Variants in ZRANB3 observed in about 807,000 individuals in gnomAD.
The protein encoded by ZRANB3 is zinc finger RANBP2-type containing 3, also known as DNA annealing helicase and endonuclease ZRANB3.
A neutral mutation model predicts 133.8 loss-of-function variants in ZRANB3; 125 were observed. That is an observed-to-expected ratio of 0.93 (90% CI 0.81 to 1.08). ZRANB3 has a LOEUF of 1.08. ZRANB3 is among the 50% of genes least tolerant of loss of function. ZRANB3 has a pLI of 0.00. For synonymous variants in ZRANB3, 387 were observed against 432.7 expected (o/e 0.89, Z 1.31); for missense variants, 1,229 against 1,275.5 (o/e 0.96, Z 0.56).
intron 2 of ZRANB3, among the ~76,000 whole-genome samples, chr2:135,444,537 A>C (rs1689931225): frequency 6.6e-6 from 1 of 152,184 alleles, no homozygotes; most frequent in Non-Finnish European, 1.5e-5. Context: ...GACTGGAAAA[A>C]AATAGGAACC....
chr2:135,522,955 T>C (rs1694009829), intron 1 of ZRANB3, among the ~76,000 whole-genome samples: 1 of 152,174 alleles, frequency 6.6e-6, no homozygotes. Context: ...GGAATAACCT[T>C]TTAGAAGGCT....
At chr2:135,200,477 A>G in intron 20 of ZRANB3, 37 bp from the exon 21 acceptor site, 1 of 1,494,804 alleles carries the variant, frequency 6.7e-7, no homozygotes, top group Non-Finnish European at 9.1e-7. Context: ...ACACGTTAGG[A>G]AAAAAGCACC....
intron 12 of ZRANB3, among the ~76,000 whole-genome samples, chr2:135,263,197 A>G (rs1164505588): frequency 6.6e-6 from 1 of 152,202 alleles, no homozygotes; most frequent in Non-Finnish European, 1.5e-5. Flanking sequence ...GTACTCATAA[A>G]TATAGAATAT....
intron 1 of ZRANB3, among the ~76,000 whole-genome samples, chr2:135,529,867 T>C (rs1333867665): frequency 1.3e-5 from 2 of 151,944 alleles, no homozygotes; most frequent in Non-Finnish European, 1.5e-5. Context: ...GGGGCCACTC[T>C]TGATTATCAA....
intron 12 of ZRANB3, among the ~76,000 whole-genome samples, chr2:135,235,244 T>C (rs1695234172): frequency 6.6e-6 from 1 of 152,040 alleles, no homozygotes; most frequent in Admixed American, 6.6e-5. Context: ...CAGGAAGAAG[T>C]TGAATCTCTG....
chr2:135,215,530 G>C (rs951193281), intron 17 of ZRANB3, among the ~76,000 whole-genome samples: 13 of 152,214 alleles, frequency 8.5e-5, no homozygotes, highest in African/African-American at 3.1e-4. Context: ...TGGAATTACA[G>C]GCGTGAGCCA....
intron 9 of ZRANB3, among the ~76,000 whole-genome samples, chr2:135,274,323 A>G (rs1038148774): frequency 6.6e-6 from 1 of 152,176 alleles, no homozygotes; most frequent in Non-Finnish European, 1.5e-5. Context: ...TACTTGGGCC[A>G]TATGTTTCAA....
intron 12 of ZRANB3, among the ~76,000 whole-genome samples, chr2:135,239,858 C>A (rs995518649): frequency 3.3e-5 from 5 of 151,948 alleles, no homozygotes; most frequent in African/African-American, 1.2e-4. Context: ...GTGGCATGCA[C>A]CTGTAGTCCC....
chr2:135,452,249 C>A (rs1690307819), intron 2 of ZRANB3, among the ~76,000 whole-genome samples: 1 of 152,026 alleles, frequency 6.6e-6, no homozygotes, highest in Admixed American at 6.6e-5. Flanking sequence ...GAAAAGAGGC[C>A]CCCATGATTC....
chr2:135,484,646 A>G (rs1408322661), intron 2 of ZRANB3, among the ~76,000 whole-genome samples: 8 of 139,016 alleles, frequency 5.8e-5, no homozygotes, highest in Non-Finnish European at 1.0e-4. Flanking sequence ...CAAAACAAAA[A>G]GATAGGTTAC....
chr2:135,490,861 T>C (rs1434277896), intron 2 of ZRANB3, among the ~76,000 whole-genome samples: 2 of 152,082 alleles, frequency 1.3e-5, no homozygotes, highest in Non-Finnish European at 2.9e-5. Context: ...CTGGAGGTCA[T>C]GATGTTAAGT....
At chr2:135,513,034 C>A (rs556345525) in intron 1 of ZRANB3, among the ~76,000 whole-genome samples, 1 of 152,238 alleles carries the variant, frequency 6.6e-6, no homozygotes, top group South Asian at 2.1e-4. Context: ...TAAACAATCT[C>A]ACAAGCACAT....
intron 2 of ZRANB3, among the ~76,000 whole-genome samples, chr2:135,459,217 C>T (rs1004762958): frequency 2.0e-5 from 3 of 152,262 alleles, no homozygotes; most frequent in East Asian, 1.9e-4. Flanking sequence ...CATAATCATT[C>T]GACTTTGTCA....
intron 5 of ZRANB3, among the ~76,000 whole-genome samples, chr2:135,347,315 C>T (rs112974137): frequency 0.047 from 6,366 of 134,992 alleles, 475 homozygotes; most frequent in African/African-American, 0.17. Context: ...TTTTTTGAGA[C>T]GGAGTCTCGC....
intron 20 of ZRANB3, 143 bp downstream of exon 20, chr2:135,202,689 G>T: frequency 9.9e-7 from 1 of 1,005,050 alleles, no homozygotes; most frequent in Non-Finnish European, 1.4e-6. Flanking sequence ...GGAAAGGCAA[G>T]TGTTGGGTGA....
At chr2:135,494,114 G>C (rs1321991087) in intron 2 of ZRANB3, among the ~76,000 whole-genome samples, 1 of 144,662 alleles carries the variant, frequency 6.9e-6, no homozygotes, top group African/African-American at 2.6e-5. Context: ...AGGAGGGAGG[G>C]AGGGAGGAAG....
At chr2:135,302,176 T>C (rs1444362157) in intron 8 of ZRANB3, among the ~76,000 whole-genome samples, 1 of 152,348 alleles carries the variant, frequency 6.6e-6, no homozygotes, top group East Asian at 1.9e-4. Context: ...ACAGTTACTA[T>C]AGACTCTACT....
intron 2 of ZRANB3, among the ~76,000 whole-genome samples, chr2:135,470,243 T>C (rs975743501): frequency 6.7e-6 from 1 of 150,324 alleles, no homozygotes; most frequent in South Asian, 2.1e-4. Context: ...GAGAATCGGT[T>C]GAACCCAGGA....
chr2:135,352,043 G>T (rs545073631), intron 4 of ZRANB3, among the ~76,000 whole-genome samples: 2 of 152,204 alleles, frequency 1.3e-5, no homozygotes, highest in South Asian at 2.1e-4. Context: ...TTTAAATAAG[G>T]TTTATCAGCC....
Sources: allele counts gnomAD v4.1 joint callset (sites outside exome capture counted in the v4.1 genomes callset), GRCh38; gene constraint gnomAD v4.1.1; transcripts MANE v1.5; gene names NCBI Gene and HGNC (gene_info 2026-07-23, HGNC 2026-07-21).